CD209: variants seen among roughly 807,000 people sequenced by gnomAD.
CD209 encodes CD209 antigen.
A neutral mutation model predicts 44.7 loss-of-function variants in CD209; 31 were observed. The ratio of observed to expected loss-of-function variants is 0.69; its 90% CI spans 0.52 to 0.94. CD209 has a LOEUF of 0.94. CD209 is among the 40% of genes least tolerant of loss of function. The pLI is 0.00. For missense variants in CD209, 407 were observed against 452.4 expected, an observed-to-expected ratio of 0.90 and a Z score of 0.91; for synonymous variants, 173 against 181.3, an observed-to-expected ratio of 0.95 and a Z score of 0.37.
Position 7,747,203 on chromosome 19 carries a change from C to T in CD209, c.106+103G>A. On this transcript the variant is annotated intron_variant, in intron 2 of 6. Coordinates refer to ENST00000315599, the MANE Select transcript of CD209 (RefSeq NM_021155.4). ...CCAGGAGTCCAGGCCCCTAGCCCCA[C>T]ATCCCCAGGACCCAAGAGTCCAGGC... The T allele has an allele frequency of 2.5e-6, 3 of 1,209,214 alleles. No homozygotes were observed. In the South Asian group the frequency reaches 3.9e-5, roughly 16 times the overall value. The allele number at this position is 1,209,214 out of a possible 1,614,324, so 74.9% of individuals were successfully genotyped here.
intron 4 of CD209, 136 bp downstream of exon 4, chr19:7,745,382 G>A: frequency 2.0e-6 from 3 of 1,510,880 alleles, no homozygotes; most frequent in East Asian, 2.3e-5. Flanking sequence ...TGAACACTGA[G>A]GGCAATGATC....
chr19:7,746,709 T>G (rs1156813332), intron 2 of CD209, among the ~76,000 whole-genome samples, 178 bp from the exon 3 acceptor site: 9 of 129,804 alleles, frequency 6.9e-5, no homozygotes, highest in East Asian at 2.5e-4. Context: ...AGGGACCCCG[T>G]CCCCAGCCTC....
Position 7,742,812 on chromosome 19 carries a change from A to C in CD209, c.*227T>G, listed in dbSNP as rs1029624896. 3.4e-6 allele frequency: 2 copies of C among 584,376 alleles called. No individual in the cohort carries two copies. The highest frequency in any genetic ancestry group is 6.0e-5 in the Admixed American group (2 of 33,484). 36.2% of individuals were successfully genotyped at this position (584,376 alleles called of 1,614,324 possible). A position where few individuals can be genotyped will look rare whatever the true frequency, so the allele number is the denominator to read the frequency against. On this transcript the variant is annotated 3_prime_UTR_variant, in exon 7 of 7. Transcript: ENST00000315599. ...GGAAGAGAGAGTGGATTCTTGGAAC[A>C]CAAGTCCACCCCCAAAGGCATCCCA...
chr19:7,740,256 G>A lies in CD209; in HGVS notation c.*2783C>T, dbSNP rs1465502925. The A allele has an allele frequency of 2.7e-5, 11 of 415,084 alleles. No homozygotes were observed. Among genetic ancestry groups the A allele is most frequent in the Non-Finnish European group, 8.8e-6 (2 of 226,658 alleles). 25.7% of individuals were successfully genotyped at this position (415,084 alleles called of 1,614,324 possible). A position where few individuals can be genotyped will look rare whatever the true frequency, so the allele number is the denominator to read the frequency against. On this transcript the variant is annotated 3_prime_UTR_variant, in exon 7 of 7. Transcript: ENST00000315599. ...CCCTGTTCCTCGGTCTGAGCACTTA[G>A]GTTCCACGTGGATTTGCACGCTTCG...
Position 7,741,313 on chromosome 19 carries a change from T to C in CD209, c.*1726A>G. 1 of 386,530 alleles carries C rather than the reference T, an allele frequency of 2.6e-6. No individual in the cohort carries two copies. Among genetic ancestry groups the C allele is most frequent in the Non-Finnish European group, 4.7e-6 (1 of 210,732 alleles). 23.9% of individuals were successfully genotyped at this position (386,530 alleles called of 1,614,324 possible). A position where few individuals can be genotyped will look rare whatever the true frequency, so the allele number is the denominator to read the frequency against. On this transcript the variant is annotated 3_prime_UTR_variant, in exon 7 of 7. Transcript: ENST00000315599. Reference sequence around the variant, plus strand: ...GTTGAAACCCCGTCTCTACCAAAAATACAAGAATTAGCTGGGCGCAGTGGT... The same window carrying C: ...GTTGAAACCCCGTCTCTACCAAAAACACAAGAATTAGCTGGGCGCAGTGGT...
rs1043940944 is a variant in CD209, at chr19:7,742,944, A to AG, written c.*94dup. On this transcript the variant is annotated 3_prime_UTR_variant, in exon 7 of 7. Coordinates refer to ENST00000315599, the MANE Select transcript of CD209 (RefSeq NM_021155.4). ...GACAGAATGGGACCCAGCCTTCTAA[A>AG]GGAGGAAGAATCTGACAAAGAACAG... is the stretch of plus-strand genomic sequence containing the variant. The AG allele has an allele frequency of 9.4e-5, 96 of 1,017,894 alleles. No individual in the cohort carries two copies. The highest frequency in any genetic ancestry group is 7.6e-6 in the Non-Finnish European group (5 of 658,808). 63.1% of individuals were successfully genotyped at this position (1,017,894 alleles called of 1,614,324 possible).
rs1275238184 is a variant in CD209 at position 7,742,147 on chromosome 19, C to G, written c.*892G>C. ...TTCAGAGTCCCAAATCCCAATAAAC[C>G]TGTTTTATTCTTACAAAAAATAATA... On this transcript the variant is annotated 3_prime_UTR_variant, in exon 7 of 7. Transcript: ENST00000315599. 4.8e-6 allele frequency: 1 copy of G among 208,154 alleles called. No homozygotes were observed. The highest frequency in any genetic ancestry group is 2.3e-5 in the African/African-American group (1 of 42,682). The allele number at this position is 208,154 out of a possible 1,614,324, so 12.9% of individuals were successfully genotyped here. A position where few individuals can be genotyped will look rare whatever the true frequency, so the allele number is the denominator to read the frequency against.
chr19:7,745,375 A>C (rs2033771192), intron 4 of CD209, 143 bp downstream of exon 4: 1 of 1,483,810 alleles, frequency 6.7e-7, no homozygotes, highest in Middle Eastern at 2.4e-4. Context: ...CCCACTGTGA[A>C]CACTGAGGGC....
Position 7,743,029 on chromosome 19 carries a change from T to G in CD209, c.*10A>C, listed in dbSNP as rs2033661867. On this transcript the variant is annotated 3_prime_UTR_variant, in exon 7 of 7. Transcript: ENST00000315599. ...GAAGGAACTGTAGCTTAAAAGGGGG[T>G]GAAGTTCTGCTACGCAGGAGGGGGG... is the stretch of plus-strand genomic sequence containing the variant. 6.3e-7 allele frequency: 1 copy of G among 1,577,812 alleles called. No homozygotes were observed. The highest frequency in any genetic ancestry group is 1.4e-5 in the African/African-American group (1 of 71,216).
In CD209 at chr19:7,745,792, A is replaced by G. The variant is rs2146323572; in HGVS notation, c.474T>C (p.Gly158=). The stretch of plus-strand genomic sequence containing the variant: ...GCATCTTAGATTTCTCTGGAAGCTC[A>G]CCCACTGCAGCCTTCAGCCAGGTCA... The part of the protein sequence containing the change: ...QELTWLKAAV[G]ELPEKSKMQE... The change falls in exon 4 of 7, where the codon GGT becomes GGC. Residue 158 remains glycine (G), a synonymous_variant. Coordinates refer to ENST00000315599, the MANE Select transcript of CD209 (RefSeq NM_021155.4). 1 of 1,607,370 alleles carries G rather than the reference A, an allele frequency of 6.2e-7. No individual in the cohort carries two copies. The highest frequency in any genetic ancestry group is 1.1e-5 in the South Asian group (1 of 90,932).
At chr19:7,744,033 A>T (rs893185978) in intron 6 of CD209, 74 bp downstream of exon 6, 2 of 1,225,004 alleles carry the variant, frequency 1.6e-6, no homozygotes, top group Non-Finnish European at 2.4e-6. Context: ...GTTGGGGAGG[A>T]TCCCCAGGGA....
chr19:7,746,584 C>T (rs1000176268), intron 2 of CD209, 53 bp from the exon 3 acceptor site: 16 of 1,570,728 alleles, frequency 1.0e-5, no homozygotes, highest in Non-Finnish European at 1.3e-5. Flanking sequence ...GAGCCTGGCC[C>T]AGGGAGAGCC....
rs1259757970 is a variant in CD209 at position 7,746,026 on chromosome 19, G to C, written c.240C>G (p.Asn80Lys). 6.2e-7 allele frequency: 1 copy of C among 1,614,228 alleles called. No individual in the cohort carries two copies. Among genetic ancestry groups the C allele is most frequent in the African/African-American group, 1.3e-5 (1 of 75,062 alleles). ...EQSRQDAIYQ[N>K]LTQLKAAVGE... is the part of the protein sequence containing the mutation. ...CCACTGCAGCTTTAAGCTGGGTCAGGTTCTGGTAGATCGCGTCTTGCCTGG... is the reference window on the plus strand; with the variant it reads ...CCACTGCAGCTTTAAGCTGGGTCAGCTTCTGGTAGATCGCGTCTTGCCTGG... The change falls in exon 4 of 7, where the codon AAC (asparagine) becomes AAG (lysine). Residue 80 changes from asparagine (N) to lysine (K), a missense_variant. By Grantham distance (94) the Asn-to-Lys change is moderately conservative (BLOSUM62 0). Coordinates refer to ENST00000315599, the MANE Select transcript of CD209 (RefSeq NM_021155.4).
chr19:7,741,697 G>A lies in CD209; in HGVS notation c.*1342C>T. 1 of 706,682 alleles carries A rather than the reference G, an allele frequency of 1.4e-6. No homozygotes were observed. Among genetic ancestry groups the A allele is most frequent in the South Asian group, 1.4e-5 (1 of 73,524 alleles). The allele number at this position is 706,682 out of a possible 1,614,324, so 43.8% of individuals were successfully genotyped here. ...GTGAATTCTGCCCAGTGGCTCGGTG[G>A]AAAATGATGATTTGTGGTTTATTTG... is the stretch of plus-strand genomic sequence containing the variant. On this transcript the variant is annotated 3_prime_UTR_variant, in exon 7 of 7. Transcript: ENST00000315599.
chr19:7,747,247 A>T (rs2033869567), intron 2 of CD209, 59 bp downstream of exon 2: 1 of 1,568,684 alleles, frequency 6.4e-7, no homozygotes, highest in Non-Finnish European at 8.8e-7. Flanking sequence ...CCAGCTCCTC[A>T]GGACCCAGGA....
In CD209 at chr19:7,747,471, A is replaced by C. The variant is rs756634871; in HGVS notation, c.41T>G (p.Leu14Arg). Residue 14 changes from leucine (L) to arginine (R), a missense_variant, in exon 1 of 7, where the codon CTC (leucine) becomes CGC (arginine). Leu to Arg is a moderately radical substitution (Grantham distance 102). Around this residue, in one of 3 missense-constraint regions of CD209, gnomAD observed 122 missense variants for 110.3 expected, o/e 1.11. Coordinates refer to ENST00000315599, the MANE Select transcript of CD209 (RefSeq NM_021155.4). ...SKEPRLQQLGLLEEEQLRGLG... is the reference protein window; with the variant it reads ...SKEPRLQQLGRLEEEQLRGLG... ...GCGTCCCAACCCAGCCTCACCCAGGAGGCCCAGCTGCTGCAGTCTTGGTTC... is the reference window on the plus strand; with the variant it reads ...GCGTCCCAACCCAGCCTCACCCAGGCGGCCCAGCTGCTGCAGTCTTGGTTC... 1.2e-6 allele frequency: 2 copies of C among 1,614,186 alleles called. No individual in the cohort carries two copies. Among genetic ancestry groups the C allele is most frequent in the Non-Finnish European group, 1.7e-6 (2 of 1,180,036 alleles).
chr19:7,743,693 C>T (rs768253282), intron 6 of CD209, among the ~76,000 whole-genome samples: 5 of 152,118 alleles, frequency 3.3e-5, no homozygotes, highest in Non-Finnish European at 7.4e-5. Flanking sequence ...AAGGCTCTGG[C>T]CCACAGTCCC....
intron 5 of CD209, 141 bp downstream of exon 5, chr19:7,744,800 A>T: frequency 1.7e-6 from 2 of 1,167,488 alleles, no homozygotes; most frequent in Non-Finnish European, 2.4e-6. Flanking sequence ...GGTACTTGAG[A>T]CTCCCTCATT....
In CD209 at chr19:7,740,079, G is replaced by A. The variant is rs947775134; in HGVS notation, c.*2960C>T. The A allele has an allele frequency of 6.4e-6, 1 of 155,846 alleles. No homozygotes were observed. Among genetic ancestry groups the A allele is most frequent in the Non-Finnish European group, 1.4e-5 (1 of 70,358 alleles). The allele number at this position is 155,846 out of a possible 1,614,324, so 9.7% of individuals were successfully genotyped here. On this transcript the variant is annotated 3_prime_UTR_variant, in exon 7 of 7. Coordinates refer to ENST00000315599, the MANE Select transcript of CD209 (RefSeq NM_021155.4). ...ATCTGTCTCTCCAAGTTGGAGGCTG[G>A]GGCAGATTTTATATACAGAGGGTAG...
Sources: gnomAD v4.1 joint callset for allele counts (sites outside exome capture counted in the v4.1 genomes callset) on GRCh38, gnomAD v4.1.1 for gene constraint, gnomAD v4.1.1 regional missense constraint, MANE v1.5 for transcripts, NCBI Gene and HGNC (gene_info 2026-07-23, HGNC 2026-07-21) for gene names.